GABRB2: variants seen among roughly 807,000 people sequenced by gnomAD.
GABRB2 encodes gamma-aminobutyric acid receptor subunit beta-2.
Under a neutral mutation model 54.7 loss-of-function variants are expected in GABRB2, and 16 were observed. That is an observed-to-expected ratio of 0.29 (90% confidence interval 0.20 to 0.44). The LOEUF (loss-of-function observed/expected upper bound fraction) is 0.44, where lower values mean the gene tolerates loss of function less well. GABRB2 is among the 20% of genes least tolerant of loss of function. The probability of loss-of-function intolerance (pLI) is 1.00; values close to 1 mark genes in which losing one functional copy is unlikely to be tolerated. For missense variants in GABRB2, 355 were observed against 644.0 expected (o/e 0.55, Z 4.86); for synonymous variants, 244 against 233.8 (o/e 1.04, Z -0.40).
chr5:161,536,053 C>G (rs1190251058), intron 3 of GABRB2, among the ~76,000 whole-genome samples: 1 of 152,108 alleles, frequency 6.6e-6, no homozygotes, highest in Admixed American at 6.5e-5. Context: ...AGGACCTCAC[C>G]AGATGCAGAT....
intron 9 of GABRB2, among the ~76,000 whole-genome samples, chr5:161,296,031 T>A (rs527988222): frequency 4.7e-4 from 71 of 152,330 alleles, no homozygotes; most frequent in Middle Eastern, 6.8e-3. Flanking sequence ...CAGCAACTGA[T>A]TCATTGAATG....
At chr5:161,469,765 T>G (rs1016767502) in intron 3 of GABRB2, among the ~76,000 whole-genome samples, 1 of 151,062 alleles carries the variant, frequency 6.6e-6, no homozygotes, top group Non-Finnish European at 1.5e-5. Context: ...TAGCACCCTC[T>G]GTACTGCAAT....
intron 3 of GABRB2, among the ~76,000 whole-genome samples, chr5:161,481,531 C>T (rs1219511717): frequency 6.6e-6 from 1 of 151,998 alleles, no homozygotes; most frequent in Non-Finnish European, 1.5e-5. Context: ...TACTTCCATA[C>T]ATGGCACAAA....
intron 5 of GABRB2, among the ~76,000 whole-genome samples, chr5:161,394,038 T>C (rs566876267): frequency 6.6e-6 from 1 of 152,106 alleles, no homozygotes; most frequent in African/African-American, 2.4e-5. Flanking sequence ...TACAAAAGTA[T>C]TGAGTTAAAA....
At chr5:161,458,787 A>G (rs1758038743) in intron 4 of GABRB2, among the ~76,000 whole-genome samples, 2 of 152,194 alleles carry the variant, frequency 1.3e-5, no homozygotes, top group African/African-American at 4.8e-5. Flanking sequence ...TCAATGTCTG[A>G]CCCATAACAA....
intron 3 of GABRB2, among the ~76,000 whole-genome samples, chr5:161,481,965 C>G (rs558175842): frequency 6.6e-6 from 1 of 151,938 alleles, no homozygotes; most frequent in African/African-American, 2.4e-5. Flanking sequence ...CCACTGAGAG[C>G]CCAATCCTCT....
chr5:161,388,429 A>T (rs1226103580), intron 5 of GABRB2, among the ~76,000 whole-genome samples: 2 of 152,068 alleles, frequency 1.3e-5, no homozygotes, highest in Non-Finnish European at 2.9e-5. Flanking sequence ...AGAGGTATAA[A>T]TTGCTTTTGA....
At chr5:161,508,997 T>C (rs932414152) in intron 3 of GABRB2, among the ~76,000 whole-genome samples, 14 of 152,004 alleles carry the variant, frequency 9.2e-5, no homozygotes, top group African/African-American at 3.1e-4. Context: ...AGAGGCTTTG[T>C]GGCTCTTTTT....
chr5:161,439,413 A>G (rs1757397306), intron 4 of GABRB2, among the ~76,000 whole-genome samples: 1 of 152,130 alleles, frequency 6.6e-6, no homozygotes. Flanking sequence ...GAGTACTTCC[A>G]TCAGAAAAAA....
chr5:161,309,129 G>A (rs1757785202), intron 9 of GABRB2, among the ~76,000 whole-genome samples: 1 of 152,060 alleles, frequency 6.6e-6, no homozygotes, highest in South Asian at 2.1e-4. Flanking sequence ...TTAATATCCA[G>A]CATCTATAAG....
At chr5:161,305,896 A>T (rs1194029711) in intron 9 of GABRB2, among the ~76,000 whole-genome samples, 2 of 152,244 alleles carry the variant, frequency 1.3e-5, no homozygotes, top group Non-Finnish European at 2.9e-5. Context: ...ATTGTCAATG[A>T]TGATGACAGT....
intron 9 of GABRB2, among the ~76,000 whole-genome samples, chr5:161,303,682 T>C (rs1207062700): frequency 6.6e-6 from 1 of 152,156 alleles, no homozygotes; most frequent in African/African-American, 2.4e-5. Flanking sequence ...TGAGAAGACC[T>C]TCGAAAGCAT....
chr5:161,325,161 A>C (rs1758326210), intron 9 of GABRB2, among the ~76,000 whole-genome samples: 1 of 152,090 alleles, frequency 6.6e-6, no homozygotes, highest in South Asian at 2.1e-4. Flanking sequence ...TTAACAATTG[A>C]CCCAGAATAA....
At chr5:161,397,314 C>T (rs1172629526) in intron 5 of GABRB2, among the ~76,000 whole-genome samples, 2 of 152,182 alleles carry the variant, frequency 1.3e-5, no homozygotes, top group Non-Finnish European at 2.9e-5. Flanking sequence ...CAACTCAAGG[C>T]CGGCTCATCT....
intron 5 of GABRB2, among the ~76,000 whole-genome samples, chr5:161,348,058 CAT>C (rs1299083260): frequency 6.6e-6 from 1 of 152,030 alleles, no homozygotes; most frequent in Non-Finnish European, 1.5e-5. Flanking sequence ...TTGAGCAAAT[CAT>C]ATACTCTTTA....
chr5:161,474,505 G>A (rs1311791481), intron 3 of GABRB2, among the ~76,000 whole-genome samples: 1 of 151,880 alleles, frequency 6.6e-6, no homozygotes, highest in Non-Finnish European at 1.5e-5. Flanking sequence ...TAATGCTTCA[G>A]AATCATTGCT....
At chr5:161,547,023 G>T, upstream of GABRB2, 1 of 190,618 alleles carries the variant, frequency 5.2e-6, no homozygotes. Flanking sequence ...TGGTGTGTGT[G>T]TGTGTCCTTT....
intron 9 of GABRB2, among the ~76,000 whole-genome samples, chr5:161,302,990 T>C (rs1757581134): frequency 6.6e-6 from 1 of 152,252 alleles, no homozygotes. Context: ...GGTAGTTTTA[T>C]GAAAGTAATT....
At chr5:161,398,909 C>T (rs1046906541) in intron 5 of GABRB2, among the ~76,000 whole-genome samples, 1 of 152,028 alleles carries the variant, frequency 6.6e-6, no homozygotes, top group Non-Finnish European at 1.5e-5. Flanking sequence ...AGGATGGTAT[C>T]GATCTCTTCA....
Sources: allele counts gnomAD v4.1 joint callset (sites outside exome capture counted in the v4.1 genomes callset), GRCh38; gene constraint gnomAD v4.1.1; transcripts MANE v1.5; gene names NCBI Gene and HGNC (gene_info 2026-07-23, HGNC 2026-07-21).